ZNF566: variants seen among roughly 807,000 people sequenced by gnomAD.
ZNF566 encodes zinc finger protein 566.
A neutral mutation model predicts 32.8 loss-of-function variants in ZNF566; 27 were observed. The ratio of observed to expected loss-of-function variants is 0.82; its 90% CI spans 0.61 to 1.14. The LOEUF (loss-of-function observed/expected upper bound fraction) is 1.14. Among genes scored for constraint, ZNF566 ranks in the 50% most tolerant of loss-of-function variants. The pLI is 0.00. For synonymous variants in ZNF566, 154 were observed against 159.5 expected, an observed-to-expected ratio of 0.97 and a Z score of 0.26; for missense variants, 402 against 490.4, an observed-to-expected ratio of 0.82 and a Z score of 1.70.
intron 4 of ZNF566, among the ~76,000 whole-genome samples, chr19:36,462,284 G>T (rs1032968732): frequency 3.9e-5 from 6 of 152,004 alleles, no homozygotes; most frequent in Non-Finnish European, 8.8e-5. Context: ...CACCATGCCG[G>T]GGCCAACTTT....
At position 36,449,645 on chromosome 19, in the gene ZNF566, T is replaced by G. The variant is rs771247823; in HGVS notation, c.589A>C (p.Lys197Gln). ...ATHEIIHTIEKPYECKECGKS... is the reference protein window; with the variant it reads ...ATHEIIHTIEQPYECKECGKS... ...CCACATTCCTTACATTCATAAGGCT[T>G]CTCAATGGTATGAATTATCTCATGT... The change falls in exon 5 of 5, where the codon AAG becomes CAG. Residue 197 changes from lysine to glutamine, a missense_variant. By Grantham distance (53) the Lys-to-Gln change is moderately conservative. Transcript: ENST00000452939. 6.2e-7 allele frequency: 1 copy of G among 1,614,170 alleles called. No homozygotes were observed. The highest frequency in any genetic ancestry group is 8.5e-7 in the Non-Finnish European group (1 of 1,180,020).
intron 4 of ZNF566, among the ~76,000 whole-genome samples, chr19:36,464,739 A>C (rs1387207052): frequency 6.6e-6 from 1 of 151,830 alleles, no homozygotes; most frequent in Non-Finnish European, 1.5e-5. Flanking sequence ...GTTCCAGTGC[A>C]CTCTAGCCTG....
At chr19:36,455,550 G>T (rs368844872) in intron 4 of ZNF566, among the ~76,000 whole-genome samples, 2 of 151,714 alleles carry the variant, frequency 1.3e-5, no homozygotes, top group South Asian at 4.2e-4. Context: ...GAGACCAGCC[G>T]GGCCAACATG....
rs1365797830 is a variant in ZNF566, at chr19:36,447,613, G to C, written c.*1364C>G. The C allele has an allele frequency of 1.3e-5, 2 of 152,012 alleles. No homozygotes were observed. The highest frequency in any genetic ancestry group is 4.8e-5 in the African/African-American group (2 of 41,394). 9.4% of individuals were successfully genotyped at this position (152,012 alleles called of 1,614,324 possible). The stretch of plus-strand genomic sequence containing the variant: ...CTGTCCATTTTTTAAATATGATGCT[G>C]TTTCTCTTTTCATACTTTTTTTCCT... On this transcript the variant is annotated 3_prime_UTR_variant, in exon 5 of 5. Coordinates refer to ENST00000452939, the MANE Select transcript of ZNF566 (RefSeq NM_001145344.1).
intron 4 of ZNF566, among the ~76,000 whole-genome samples, chr19:36,463,542 T>C (rs1424380096): frequency 1.3e-4 from 19 of 142,470 alleles, no homozygotes; most frequent in African/African-American, 2.1e-4. Context: ...AATTTCTTTT[T>C]TTTTTTTTTT....
chr19:36,473,611 C>A (rs559806781), intron 2 of ZNF566, among the ~76,000 whole-genome samples, 153 bp from the exon 3 acceptor site: 2 of 152,168 alleles, frequency 1.3e-5, no homozygotes, highest in Non-Finnish European at 2.9e-5. Flanking sequence ...CAAATAAGCA[C>A]AACTGAATCA....
At chr19:36,479,642 T>C (rs576126155) in intron 1 of ZNF566, among the ~76,000 whole-genome samples, 54 of 152,282 alleles carry the variant, frequency 3.5e-4, no homozygotes, top group Admixed American at 3.3e-3. Context: ...ACAGTTTTTG[T>C]TTTTGTTTTT....
intron 1 of ZNF566, among the ~76,000 whole-genome samples, chr19:36,486,622 G>A (rs1293747923): frequency 7.2e-6 from 1 of 139,664 alleles, no homozygotes; most frequent in African/African-American, 2.7e-5. Context: ...AGTGAGCTGA[G>A]ATCATGCCAT....
intron 4 of ZNF566, among the ~76,000 whole-genome samples, chr19:36,467,129 A>C (rs2033633845): frequency 6.6e-6 from 1 of 151,268 alleles, no homozygotes; most frequent in South Asian, 2.1e-4. Context: ...AAAAGATTTG[A>C]GCAGGCAATT....
chr19:36,485,369 A>C (rs1600184479), intron 1 of ZNF566, among the ~76,000 whole-genome samples: 1 of 141,126 alleles, frequency 7.1e-6, no homozygotes, highest in East Asian at 2.3e-4. Context: ...TGAGCCCTGG[A>C]GGTTGAGGCT....
At chr19:36,469,499 C>T (rs913714811) in intron 4 of ZNF566, among the ~76,000 whole-genome samples, 2 of 151,802 alleles carry the variant, frequency 1.3e-5, no homozygotes, top group Non-Finnish European at 2.9e-5. Flanking sequence ...GAGATCACGC[C>T]TTTACACTCC....
Position 36,473,330 on chromosome 19 carries a change from A to G in ZNF566, c.136+2T>C. The G allele has an allele frequency of 2.5e-6, 4 of 1,614,050 alleles. No individual in the cohort carries two copies. Among genetic ancestry groups the G allele is most frequent in the Non-Finnish European group, 3.4e-6 (4 of 1,179,978 alleles). On this transcript the variant is annotated splice_donor_variant, in intron 3 of 4. Coordinates refer to ENST00000452939, the MANE Select transcript of ZNF566 (RefSeq NM_001145344.1). LOFTEE classifies it high-confidence loss of function. Reference sequence around the variant, plus strand: ...TAAATTACTATGGACAGATGTCCTTACCCATTGAAACCAGGTTGCTGTAAT... The same window carrying G: ...TAAATTACTATGGACAGATGTCCTTGCCCATTGAAACCAGGTTGCTGTAAT...
chr19:36,482,017 TG>T (rs2034044976), intron 1 of ZNF566, among the ~76,000 whole-genome samples: 1 of 152,356 alleles, frequency 6.6e-6, no homozygotes, highest in South Asian at 2.1e-4. Context: ...ACTCTTCATT[TG>T]TGCAAAAGAA....
chr19:36,487,309 C>T (rs1256520597), intron 1 of ZNF566, among the ~76,000 whole-genome samples: 1 of 151,962 alleles, frequency 6.6e-6, no homozygotes, highest in Non-Finnish European at 1.5e-5. Flanking sequence ...ATTAGCCTAC[C>T]CTATGATCTA....
chr19:36,469,204 A>T (rs1600161031), intron 4 of ZNF566, among the ~76,000 whole-genome samples: 1 of 151,878 alleles, frequency 6.6e-6, no homozygotes, highest in East Asian at 1.9e-4. Flanking sequence ...ATTACATGAG[A>T]TTATGCAAGG....
intron 1 of ZNF566, 177 bp downstream of exon 1, chr19:36,489,309 T>C (rs1226826094): frequency 4.7e-6 from 1 of 213,514 alleles, no homozygotes; most frequent in Non-Finnish European, 9.6e-6. Flanking sequence ...CTGCACACGG[T>C]GTGAGCGTTG....
chr19:36,477,301 C>A (rs1038098067), intron 1 of ZNF566, among the ~76,000 whole-genome samples: 1 of 152,068 alleles, frequency 6.6e-6, no homozygotes, highest in Non-Finnish European at 1.5e-5. Context: ...TGAGCCACCG[C>A]GCCTGGCCAT....
intron 4 of ZNF566, among the ~76,000 whole-genome samples, chr19:36,458,090 C>T (rs2033363686): frequency 6.6e-6 from 1 of 152,150 alleles, no homozygotes; most frequent in Admixed American, 6.6e-5. Context: ...AGCAAGCTTA[C>T]TTCTGGGTAT....
rs748125096 is a variant in ZNF566 at position 36,477,544 on chromosome 19, TGTTTG to T, written c.-59-933_-59-929del. Among the ~76,000 whole-genome samples, 407 of 84,644 alleles carry T rather than the reference TGTTTG, an allele frequency of 4.8e-3. 52 individuals carry two copies. Among genetic ancestry groups the T allele is most frequent in the Non-Finnish European group, 8.7e-3 (313 of 35,954 alleles). The allele number at this position is 84,644 out of a possible 152,430, so 55.5% of individuals were successfully genotyped here. ...TGTTTCTGTTTTTTTTTTGTTTGTT[TGTTTG>T]TTTTTTTGAGACGGAGTCTTGCTCT... On this transcript the variant is annotated intron_variant, in intron 1 of 4. Coordinates refer to ENST00000452939, the MANE Select transcript of ZNF566 (RefSeq NM_001145344.1).
Sources: allele counts gnomAD v4.1 joint callset (sites outside exome capture counted in the v4.1 genomes callset), GRCh38; gene constraint gnomAD v4.1.1; transcripts MANE v1.5; gene names NCBI Gene and HGNC (gene_info 2026-07-23, HGNC 2026-07-21).